The following EHBP1 variants were observed in gnomAD, a reference collection of about 807,000 sequenced individuals.
The protein encoded by EHBP1 is EH domain binding protein 1, also known as EH domain-binding protein 1.
A neutral mutation model predicts 144.0 loss-of-function variants in EHBP1; 55 were observed. The observed-to-expected ratio is 0.38, with a 90% CI of 0.31 to 0.48. The LOEUF (loss-of-function observed/expected upper bound fraction) is 0.48, where lower values mean the gene tolerates loss of function less well. Among genes scored for constraint, EHBP1 ranks in the 20% least tolerant of loss-of-function variants. The pLI is 0.98. For missense variants in EHBP1, 1,200 were observed against 1,364.2 expected (o/e 0.88, Z 1.90); for synonymous variants, 469 against 472.7 (o/e 0.99, Z 0.10).
chr2:62,911,502 C>G (rs920889136), intron 10 of EHBP1, among the ~76,000 whole-genome samples: 3 of 152,106 alleles, frequency 2.0e-5, no homozygotes, highest in Admixed American at 2.0e-4. Flanking sequence ...CACTCTATCG[C>G]CCAGGCTGGA....
At chr2:62,769,609 A>C (rs1423763362) in intron 4 of EHBP1, among the ~76,000 whole-genome samples, 1 of 152,158 alleles carries the variant, frequency 6.6e-6, no homozygotes, top group Admixed American at 6.5e-5. Context: ...ATTCAGTGCT[A>C]TTCCTATCAA....
chr2:62,803,430 C>T (rs1388151883), intron 5 of EHBP1, among the ~76,000 whole-genome samples: 1 of 152,146 alleles, frequency 6.6e-6, no homozygotes, highest in African/African-American at 2.4e-5. Context: ...GTTTTTCACA[C>T]CCTCAGCGAT....
chr2:62,840,817 A>G (rs1365703603), intron 7 of EHBP1, among the ~76,000 whole-genome samples: 8 of 151,896 alleles, frequency 5.3e-5, no homozygotes, highest in Non-Finnish European at 7.4e-5. Flanking sequence ...TTAGAATGGC[A>G]ATCATTAAAA....
At chr2:62,798,237 G>A (rs910597574) in intron 5 of EHBP1, among the ~76,000 whole-genome samples, 2 of 152,020 alleles carry the variant, frequency 1.3e-5, no homozygotes, top group African/African-American at 4.8e-5. Context: ...GAGTGGTGGC[G>A]CATGCCTTTA....
At chr2:62,677,152 T>A (rs1393258508) in intron 1 of EHBP1, among the ~76,000 whole-genome samples, 5 of 152,178 alleles carry the variant, frequency 3.3e-5, no homozygotes, top group Non-Finnish European at 7.3e-5. Context: ...GCTGTGATTG[T>A]GCCACTGCAC....
At chr2:62,890,228 G>C (rs1309856170) in intron 10 of EHBP1, among the ~76,000 whole-genome samples, 1 of 152,010 alleles carries the variant, frequency 6.6e-6, no homozygotes, top group African/African-American at 2.4e-5. Flanking sequence ...GAGCCACCAC[G>C]CCTAGCCCCA....
At chr2:62,935,348 T>A (rs1230264942) in intron 10 of EHBP1, among the ~76,000 whole-genome samples, 182 of 142,894 alleles carry the variant, frequency 1.3e-3, no homozygotes, top group African/African-American at 2.0e-3. Flanking sequence ...AAAAAAAATA[T>A]ATATATATAT....
At chr2:62,848,731 T>C (rs1389437272) in intron 7 of EHBP1, among the ~76,000 whole-genome samples, 1 of 152,200 alleles carries the variant, frequency 6.6e-6, no homozygotes, top group African/African-American at 2.4e-5. Flanking sequence ...CAAAACTATT[T>C]TAATAAACAT....
intron 3 of EHBP1, among the ~76,000 whole-genome samples, chr2:62,761,522 G>T (rs562121648): frequency 6.6e-6 from 1 of 152,046 alleles, no homozygotes; most frequent in Non-Finnish European, 1.5e-5. Flanking sequence ...ATCCCTTCTC[G>T]GTTCCTTGGC....
At chr2:62,755,578 C>T (rs924727486) in intron 3 of EHBP1, among the ~76,000 whole-genome samples, 1 of 152,186 alleles carries the variant, frequency 6.6e-6, no homozygotes, top group African/African-American at 2.4e-5. Flanking sequence ...TTGCCACGCA[C>T]TCTCACCAGC....
chr2:62,868,935 C>T (rs986299045), intron 9 of EHBP1, among the ~76,000 whole-genome samples: 9 of 151,992 alleles, frequency 5.9e-5, no homozygotes, highest in East Asian at 1.9e-4. Context: ...GCCTGGGCAA[C>T]GCTGTGAGAC....
At chr2:62,889,791 T>G (rs539508253) in intron 10 of EHBP1, among the ~76,000 whole-genome samples, 4 of 152,124 alleles carry the variant, frequency 2.6e-5, no homozygotes, top group African/African-American at 9.6e-5. Context: ...TCTGTGTCTA[T>G]TTTGTCTGTT....
Position 62,993,728 on chromosome 2 carries a change from A to G in EHBP1, c.2872+60A>G. ...GGTTTAACTATATATAGATATCTAT[A>G]TATAGTATATATATATAGTATATAT... On this transcript the variant is annotated intron_variant, in intron 17 of 22. Transcript: ENST00000431489. The G allele has an allele frequency of 4.9e-6, 4 of 816,998 alleles. No homozygotes were observed. In the South Asian group the frequency reaches 1.9e-4, roughly 39 times the overall value. The allele number at this position is 816,998 out of a possible 1,614,324, so 50.6% of individuals were successfully genotyped here.
intron 10 of EHBP1, among the ~76,000 whole-genome samples, chr2:62,877,855 A>G (rs1236143561): frequency 3.3e-5 from 5 of 152,308 alleles, no homozygotes; most frequent in Admixed American, 2.0e-4. Context: ...AGCTTGTAAC[A>G]CCAAGTGCCC....
chr2:62,775,668 G>T (rs562812869), intron 5 of EHBP1, among the ~76,000 whole-genome samples: 1 of 152,192 alleles, frequency 6.6e-6, no homozygotes, highest in African/African-American at 2.4e-5. Context: ...AAATTTATTG[G>T]ACCCTTACTA....
intron 19 of EHBP1, among the ~76,000 whole-genome samples, chr2:63,021,269 A>G (rs73937321): frequency 0.014 from 2,119 of 152,076 alleles, 42 homozygotes; most frequent in African/African-American, 0.046. Flanking sequence ...AGAAAAGCCA[A>G]AAGTACTGGT....
At chr2:62,715,479 T>C (rs1402805095) in intron 2 of EHBP1, among the ~76,000 whole-genome samples, 1 of 151,780 alleles carries the variant, frequency 6.6e-6, no homozygotes, top group Non-Finnish European at 1.5e-5. Context: ...ATTTTAAAAA[T>C]ATATTATTTC....
At chr2:62,848,263 A>G (rs920349707) in intron 7 of EHBP1, among the ~76,000 whole-genome samples, 1 of 151,540 alleles carries the variant, frequency 6.6e-6, no homozygotes, top group African/African-American at 2.4e-5. Context: ...TTGTATTTTT[A>G]TTAGAGATGG....
chr2:63,016,587 C>T (rs558490620), intron 19 of EHBP1, among the ~76,000 whole-genome samples: 3 of 152,022 alleles, frequency 2.0e-5, no homozygotes, highest in South Asian at 2.1e-4. Context: ...CCCACCACCA[C>T]GCCCGACTAA....
Sources: gnomAD v4.1 joint callset for allele counts (sites outside exome capture counted in the v4.1 genomes callset) on GRCh38, gnomAD v4.1.1 for gene constraint, MANE v1.5 for transcripts, NCBI Gene and HGNC (gene_info 2026-07-23, HGNC 2026-07-21) for gene names.